The following TNNT1 variants were observed in gnomAD, a reference collection of about 807,000 sequenced individuals.
TNNT1 encodes the protein troponin T1, slow skeletal type, also known as troponin T, slow skeletal muscle.
A neutral mutation model predicts 50.6 loss-of-function variants in TNNT1; 53 were observed. The ratio of observed to expected loss-of-function variants is 1.05; its 90% CI spans 0.84 to 1.32. The LOEUF (loss-of-function observed/expected upper bound fraction) is 1.32, where lower values mean the gene tolerates loss of function less well. TNNT1 is among the 40% of genes most tolerant of loss of function. The pLI, the probability that TNNT1 is intolerant of heterozygous loss-of-function variation, is 0.00. For synonymous variants in TNNT1, 142 were observed against 138.0 expected (o/e 1.03, Z -0.20); for missense variants, 348 against 381.7 (o/e 0.91, Z 0.74).
chr19:55,144,752 GA>G (rs1356711512), intron 6 of TNNT1, among the ~76,000 whole-genome samples: 1 of 152,242 alleles, frequency 6.6e-6, no homozygotes, highest in East Asian at 1.9e-4. Flanking sequence ...GCAGATGCCG[GA>G]AAGGTCCGCT....
chr19:55,132,753 T>A lies in TNNT1; in HGVS notation c.*162A>T. On this transcript the variant is annotated 3_prime_UTR_variant, in exon 14 of 14. Coordinates refer to ENST00000588981, the MANE Select transcript of TNNT1 (RefSeq NM_003283.6). ...TATTGGTGACACTCTTTCAAGTAAC[T>A]TGTTGGTAATAAGAAGTCAATTAAC... 1.4e-6 allele frequency: 1 copy of A among 695,026 alleles called. No homozygotes were observed. Among genetic ancestry groups the A allele is most frequent in the South Asian group, 1.7e-5 (1 of 59,556 alleles). The allele number at this position is 695,026 out of a possible 1,614,324, so 43.1% of individuals were successfully genotyped here. A position where few individuals can be genotyped will look rare whatever the true frequency, so the allele number is the denominator to read the frequency against.
chr19:55,137,936 C>T (rs897329936), intron 10 of TNNT1, 25 bp downstream of exon 10: 1 of 1,614,146 alleles, frequency 6.2e-7, no homozygotes. Context: ...GAACTCAGAC[C>T]TCAGGCTCCT....
Position 55,146,674 on chromosome 19 carries a change from A to T in TNNT1, c.73+7T>A. ...CAGCTCCAGACCTGCGGAGTCCGGG[A>T]CCTCACCTTCCTCCTCCTCCTCCGC... On this transcript the variant is annotated splice_region_variant and intron_variant, in intron 4 of 13. Transcript: ENST00000588981. The T allele has an allele frequency of 1.5e-6, 2 of 1,313,910 alleles. No homozygotes were observed. Among genetic ancestry groups the T allele is most frequent in the Non-Finnish European group, 1.0e-6 (1 of 988,914 alleles). The allele number at this position is 1,313,910 out of a possible 1,614,324, so 81.4% of individuals were successfully genotyped here. A position where few individuals can be genotyped will look rare whatever the true frequency, so the allele number is the denominator to read the frequency against.
intron 11 of TNNT1, 60 bp downstream of exon 11, chr19:55,137,043 T>C: frequency 9.0e-7 from 1 of 1,109,826 alleles, no homozygotes; most frequent in Non-Finnish European, 1.4e-6. Flanking sequence ...GGGTGTGAGC[T>C]CCTTTATCCC....
intron 6 of TNNT1, chr19:55,145,334 G>T: frequency 1.6e-6 from 1 of 629,522 alleles, no homozygotes; most frequent in Non-Finnish European, 2.8e-6. Flanking sequence ...AGAAGGGGAA[G>T]GGGAAGAAGA....
chr19:55,133,706 G>T, intron 13 of TNNT1, 181 bp downstream of exon 13: 11 of 661,588 alleles, frequency 1.7e-5, no homozygotes, highest in Non-Finnish European at 2.3e-5. Context: ...GAAAGAAAAA[G>T]AAAAAGGAAC....
intron 11 of TNNT1, among the ~76,000 whole-genome samples, 191 bp from the exon 12 acceptor site, chr19:55,134,395 G>A (rs1048183832): frequency 1.3e-5 from 2 of 151,948 alleles, no homozygotes; most frequent in African/African-American, 4.8e-5. Flanking sequence ...GGGAGAGAAG[G>A]GTGTCATGAT....
intron 9 of TNNT1, among the ~76,000 whole-genome samples, chr19:55,140,270 G>A (rs939511278): frequency 1.3e-5 from 2 of 151,904 alleles, no homozygotes; most frequent in Non-Finnish European, 2.9e-5. Flanking sequence ...GACCAGCCTG[G>A]ACAACATGGC....
rs201519507 is a variant in TNNT1 at position 55,137,152 on chromosome 19, C to G, written c.562G>C (p.Glu188Gln). 18 of 1,612,336 alleles carry G rather than the reference C, an allele frequency of 1.1e-5. No individual in the cohort carries two copies. The highest frequency in any genetic ancestry group is 1.3e-5 in the Non-Finnish European group (15 of 1,179,262). ...TCAATGTCCAGAGGCTTCTTACGCT[C>G]GGAGAGGATGCGCACCTTCATCTCC... ...GREMKVRILS[E>Q]RKKPLDIDYM... is the part of the protein sequence containing the mutation. The change falls in exon 11 of 14, where the codon GAG becomes CAG. Residue 188 changes from glutamate (E) to glutamine (Q), a missense_variant. Physicochemically the swap from Glu to Gln is conservative, Grantham distance 29. Coordinates refer to ENST00000588981, the MANE Select transcript of TNNT1 (RefSeq NM_003283.6).
intron 6 of TNNT1, among the ~76,000 whole-genome samples, chr19:55,143,110 A>G (rs2085488734): frequency 6.6e-6 from 1 of 151,306 alleles, no homozygotes; most frequent in Non-Finnish European, 1.5e-5. Context: ...CAGAGATTGC[A>G]GTGAGCCGAG....
intron 6 of TNNT1, 156 bp from the exon 7 acceptor site, chr19:55,142,076 A>G (rs1462533774): frequency 3.6e-5 from 25 of 697,828 alleles, no homozygotes; most frequent in East Asian, 5.2e-5. Flanking sequence ...GAAACACACA[A>G]AAGAAGGTAA....
At chr19:55,135,120 C>G (rs1390888788) in intron 11 of TNNT1, among the ~76,000 whole-genome samples, 10 of 152,124 alleles carry the variant, frequency 6.6e-5, no homozygotes, top group Non-Finnish European at 1.3e-4. Context: ...CCCAATCTCC[C>G]TTGCAGGTAG....
chr19:55,140,811 A>AATCATC (rs1379781445), intron 9 of TNNT1, 72 bp downstream of exon 9: 1 of 1,101,960 alleles, frequency 9.1e-7, no homozygotes, highest in Middle Eastern at 3.3e-4. Context: ...TAATAATAAT[A>AATCATC]ATAATAATAA....
At chr19:55,134,905 T>G (rs1173074306) in intron 11 of TNNT1, among the ~76,000 whole-genome samples, 3 of 147,278 alleles carry the variant, frequency 2.0e-5, no homozygotes, top group African/African-American at 7.5e-5. Flanking sequence ...GCTCTGCAGT[T>G]AGAAGCCCCT....
chr19:55,141,168 C>T lies in TNNT1; in HGVS notation c.309+18G>A, dbSNP rs1401297428. 1 of 1,606,614 alleles carries T rather than the reference C, an allele frequency of 6.2e-7. No homozygotes were observed. The highest frequency in any genetic ancestry group is 1.3e-5 in the African/African-American group (1 of 74,796). On this transcript the variant is annotated intron_variant, in intron 8 of 13. Coordinates refer to ENST00000588981, the MANE Select transcript of TNNT1 (RefSeq NM_003283.6). ...ATGGAGGGAGGAAGACCGGGGGGAA[C>T]CCGGACTCTCGGCTCACAATGCGCT...
At chr19:55,137,076 A>T in intron 11 of TNNT1, 27 bp downstream of exon 11, 2 of 1,285,204 alleles carry the variant, frequency 1.6e-6, no homozygotes, top group Non-Finnish European at 2.2e-6. Flanking sequence ...CCAGGCCCCT[A>T]CACCCCGAGC....
intron 6 of TNNT1, among the ~76,000 whole-genome samples, chr19:55,142,673 G>C (rs148577835): frequency 6.6e-6 from 1 of 151,082 alleles, no homozygotes; most frequent in African/African-American, 2.4e-5. Context: ...TCAGCTTCCC[G>C]AGTAGTTGGG....
chr19:55,135,928 C>CA (rs1412500647), intron 11 of TNNT1, among the ~76,000 whole-genome samples: 2 of 152,230 alleles, frequency 1.3e-5, no homozygotes, highest in Non-Finnish European at 2.9e-5. Context: ...TCTCCACACT[C>CA]AGTGTCCCCA....
intron 1 of TNNT1, among the ~76,000 whole-genome samples, chr19:55,148,834 T>G (rs1175698550): frequency 6.6e-6 from 1 of 151,932 alleles, no homozygotes; most frequent in East Asian, 1.9e-4. Flanking sequence ...GACACCCAGA[T>G]TGTTTGACCT....
Sources: gnomAD v4.1 joint callset for allele counts (sites outside exome capture counted in the v4.1 genomes callset) on GRCh38, gnomAD v4.1.1 for gene constraint, MANE v1.5 for transcripts, NCBI Gene and HGNC (gene_info 2026-07-23, HGNC 2026-07-21) for gene names.